PLEKHM3: variants seen among roughly 807,000 people sequenced by gnomAD.
PLEKHM3 encodes the protein pleckstrin homology domain-containing family M member 3.
Under a neutral mutation model 81.8 loss-of-function variants are expected in PLEKHM3, and 45 were observed. That is an observed-to-expected ratio of 0.55 (90% CI 0.43 to 0.71). The LOEUF is 0.71. PLEKHM3 is among the 30% of genes least tolerant of loss of function. The probability of loss-of-function intolerance (pLI) is 0.00; values close to 1 mark genes in which losing one functional copy is unlikely to be tolerated. For missense variants in PLEKHM3, 788 were observed against 924.3 expected (o/e 0.85, Z 1.91); for synonymous variants, 352 against 356.4 (o/e 0.99, Z 0.14).
In PLEKHM3 at chr2:207,901,143, C is replaced by G. The variant is rs1688413120; in HGVS notation, c.1950+7371G>C. ...TCCTTCTCACCTGGGCAACAGGGCT[C>G]TCTATCCACCACTCACAACACACAG... On this transcript the variant is annotated intron_variant, in intron 6 of 7. Coordinates refer to ENST00000427836, the MANE Select transcript of PLEKHM3 (RefSeq NM_001080475.3). The G allele has an allele frequency of 4.6e-6, 3 of 648,080 alleles. No individual in the cohort carries two copies. In the Admixed American group the frequency reaches 6.7e-5, roughly 14 times the overall value. 40.1% of individuals were successfully genotyped at this position (648,080 alleles called of 1,614,324 possible).
At chr2:207,831,088 C>A (rs926521197) in intron 7 of PLEKHM3, among the ~76,000 whole-genome samples, 5 of 152,184 alleles carry the variant, frequency 3.3e-5, no homozygotes, top group Non-Finnish European at 7.4e-5. Context: ...ATTCCCAGTT[C>A]CTGGCCGTGG....
At chr2:208,004,877 T>C (rs1692447090) in intron 1 of PLEKHM3, among the ~76,000 whole-genome samples, 1 of 152,092 alleles carries the variant, frequency 6.6e-6, no homozygotes, top group Non-Finnish European at 1.5e-5. Context: ...CAGGCTAGAG[T>C]GAAGTGGCAC....
At position 207,826,081 on chromosome 2, in the gene PLEKHM3, T is replaced by C. The variant is rs2092250080; in HGVS notation, c.*2238A>G. The C allele has an allele frequency of 6.6e-6, 1 of 152,172 alleles. No individual in the cohort carries two copies. Among genetic ancestry groups the C allele is most frequent in the Admixed American group, 6.5e-5 (1 of 15,278 alleles). The allele number at this position is 152,172 out of a possible 1,614,324, so 9.4% of individuals were successfully genotyped here. A position where few individuals can be genotyped will look rare whatever the true frequency, so the allele number is the denominator to read the frequency against. On this transcript the variant is annotated 3_prime_UTR_variant, in exon 8 of 8. Coordinates refer to ENST00000427836, the MANE Select transcript of PLEKHM3 (RefSeq NM_001080475.3). ...CTGCACTTCAGGTCTCCAAATGCAG[T>C]GTGCTAGGAATGGCCTCGCTGACAG... is the stretch of plus-strand genomic sequence containing the variant.
At chr2:207,901,443 T>C (rs1173153905) in intron 6 of PLEKHM3, 2 of 670,580 alleles carry the variant, frequency 3.0e-6, no homozygotes, top group Admixed American at 4.2e-5. Flanking sequence ...CAGCAGGTAG[T>C]AAGGACATCA....
intron 2 of PLEKHM3, among the ~76,000 whole-genome samples, chr2:207,989,638 T>C (rs895636645): frequency 6.6e-6 from 1 of 152,196 alleles, no homozygotes; most frequent in Non-Finnish European, 1.5e-5. Context: ...TCTGATTGGT[T>C]TCCATCCCTT....
chr2:207,961,687 C>A (rs1435137366), intron 3 of PLEKHM3, among the ~76,000 whole-genome samples: 2 of 152,170 alleles, frequency 1.3e-5, no homozygotes, highest in Non-Finnish European at 2.9e-5. Flanking sequence ...CATCGTCCCA[C>A]CACTCTGAGT....
chr2:207,956,714 T>TA (rs1444704232), intron 3 of PLEKHM3, among the ~76,000 whole-genome samples: 2 of 130,702 alleles, frequency 1.5e-5, no homozygotes, highest in Non-Finnish European at 3.2e-5. Context: ...CCTGGCTGAT[T>TA]AAAATTTTTT....
chr2:207,934,636 A>G (rs1225313922), intron 4 of PLEKHM3, among the ~76,000 whole-genome samples: 2 of 152,214 alleles, frequency 1.3e-5, no homozygotes, highest in African/African-American at 4.8e-5. Flanking sequence ...GAGGAATCCA[A>G]GAGGAAAGAG....
intron 1 of PLEKHM3, among the ~76,000 whole-genome samples, chr2:208,010,206 T>C (rs1692643013): frequency 6.6e-6 from 1 of 152,248 alleles, no homozygotes. Context: ...CACATGTTTA[T>C]TGTTTGCCAC....
Position 207,863,852 on chromosome 2 carries a change from GAGAT to G in PLEKHM3, c.1951-2594_1951-2591del, listed in dbSNP as rs550503325. Among the ~76,000 whole-genome samples the G allele has an allele frequency of 1.1e-4, 16 of 151,984 alleles. No homozygotes were observed. The South Asian group carries it at 3.3e-3, about 32-fold the overall frequency. On this transcript the variant is annotated intron_variant, in intron 6 of 7. Coordinates refer to ENST00000427836, the MANE Select transcript of PLEKHM3 (RefSeq NM_001080475.3). ...AAAAGAATAACTTTTCTATGAAAAA[GAGAT>G]AAATAAATATAATGGTGGTTAACTC...
rs774587253 is a variant in PLEKHM3 at position 208,001,341 on chromosome 2, C to T, written c.299G>A (p.Gly100Glu). The stretch of plus-strand genomic sequence containing the variant: ...CCAGGAAAGATTATCTGGGGTTGTC[C>T]CTCTCTGGACCATAAACTGTTCTTT... ...PAKEQFMVQR[G>E]TTPDNLSWME... The change falls in exon 2 of 8, where the codon GGG becomes GAG. Residue 100 changes from glycine to glutamate, a missense_variant. By Grantham distance (98) the Gly-to-Glu change is moderately conservative (BLOSUM62 -2). Transcript: ENST00000427836. 1 of 1,614,132 alleles carries T rather than the reference C, an allele frequency of 6.2e-7. No homozygotes were observed. Among genetic ancestry groups the T allele is most frequent in the South Asian group, 1.1e-5 (1 of 91,080 alleles).
chr2:207,962,711 T>C (rs891501141), intron 3 of PLEKHM3, among the ~76,000 whole-genome samples: 3 of 152,166 alleles, frequency 2.0e-5, no homozygotes, highest in Non-Finnish European at 2.9e-5. Context: ...CAGAACTGTA[T>C]TGCAGTATCT....
chr2:207,874,017 T>G (rs527747911), intron 6 of PLEKHM3, among the ~76,000 whole-genome samples: 8 of 152,330 alleles, frequency 5.3e-5, no homozygotes, highest in African/African-American at 1.9e-4. Context: ...TACTCTTTGC[T>G]TCAAGGTCCA....
chr2:207,976,119 C>T lies in PLEKHM3; in HGVS notation c.1546+532G>A, dbSNP rs967583187. On this transcript the variant is annotated intron_variant, in intron 3 of 7. Transcript: ENST00000427836. This position sits in a 1 kb window ranked among gnomAD's most constrained non-coding sequence, Gnocchi z 4.1. Reference sequence around the variant, plus strand: ...TGGTCATCTGCTGAATCATCATTTACTCCGCTTTTAGCCACCCCCACATTT... The same window carrying T: ...TGGTCATCTGCTGAATCATCATTTATTCCGCTTTTAGCCACCCCCACATTT... 1.3e-5 allele frequency among the ~76,000 whole-genome samples: 2 copies of T among 152,188 alleles called. No individual in the cohort carries two copies. Among genetic ancestry groups the T allele is most frequent in the Non-Finnish European group, 2.9e-5 (2 of 68,040 alleles).
intron 6 of PLEKHM3, among the ~76,000 whole-genome samples, chr2:207,881,064 TTTATC>T (rs1287450199): frequency 6.6e-6 from 1 of 151,756 alleles, no homozygotes; most frequent in Admixed American, 6.6e-5. Flanking sequence ...AATTTCTGAA[TTTATC>T]TTAAATAGTC....
At chr2:207,972,072 T>C (rs1486089283) in intron 3 of PLEKHM3, among the ~76,000 whole-genome samples, 2 of 152,262 alleles carry the variant, frequency 1.3e-5, no homozygotes, top group African/African-American at 2.4e-5. Flanking sequence ...ATTTGATTCA[T>C]GTCTTCCCTA....
intron 4 of PLEKHM3, among the ~76,000 whole-genome samples, chr2:207,935,535 G>A (rs766875441): frequency 2.6e-5 from 4 of 152,068 alleles, no homozygotes; most frequent in Non-Finnish European, 5.9e-5. Context: ...TCCTTTTTGC[G>A]TAACACCTAC....
chr2:207,884,096 C>T (rs1188852426), intron 6 of PLEKHM3, among the ~76,000 whole-genome samples: 4 of 152,028 alleles, frequency 2.6e-5, no homozygotes, highest in African/African-American at 7.3e-5. Flanking sequence ...CTCAGGAGTT[C>T]GAGACCACTC....
Position 207,858,136 on chromosome 2 carries a change from A to ATGTGTGTG in PLEKHM3, c.2108+2961_2108+2968dup, listed in dbSNP as rs141449083. 5.5e-3 allele frequency among the ~76,000 whole-genome samples: 694 copies of ATGTGTGTG among 126,906 alleles called. 5 individuals carry two copies. The highest frequency in any genetic ancestry group is 0.011 in the African/African-American group (361 of 31,392). The allele number at this position is 126,906 out of a possible 152,430, so 83.3% of individuals were successfully genotyped here. ...AAATATTTTGGGGTTTCATATAGAT[A>ATGTGTGTG]TGTGTGTGTGTGTGTGTGTGTGTGT... On this transcript the variant is annotated intron_variant, in intron 7 of 7. Transcript: ENST00000427836.
Sources: gnomAD v4.1 joint callset for allele counts (sites outside exome capture counted in the v4.1 genomes callset) on GRCh38, gnomAD v4.1.1 for gene constraint, Gnocchi (gnomAD v3.1) non-coding constraint, MANE v1.5 for transcripts, NCBI Gene and HGNC (gene_info 2026-07-23, HGNC 2026-07-21) for gene names.